INTS6: variants seen among roughly 807,000 people sequenced by gnomAD.
INTS6 encodes the protein integrator complex subunit 6, also known as DEAD box protein.
A neutral mutation model predicts 104.9 loss-of-function variants in INTS6; 16 were observed. The ratio of observed to expected loss-of-function variants is 0.15; its 90% confidence interval spans 0.10 to 0.23. The LOEUF (loss-of-function observed/expected upper bound fraction) is 0.23. INTS6 is among the 10% of genes least tolerant of loss of function. The pLI is 1.00. For synonymous variants in INTS6, 324 were observed against 358.7 expected, an observed-to-expected ratio of 0.90 and a Z score of 1.09; for missense variants, 584 against 1,062.8, an observed-to-expected ratio of 0.55 and a Z score of 6.26.
At position 51,428,739 on chromosome 13, in the gene INTS6, C is replaced by CA. The variant is rs566294447; in HGVS notation, c.429+1554dup. ...AATCTAACAAAGCCCAAAAGCCCAT[C>CA]AAGTTCAGCTACAGAGCATTCCAAG... is the stretch of plus-strand genomic sequence containing the variant. On this transcript the variant is annotated intron_variant, in intron 4 of 17. Transcript: ENST00000311234. Among the ~76,000 whole-genome samples the CA allele has an allele frequency of 2.4e-4, 37 of 152,274 alleles. No individual in the cohort carries two copies. In the South Asian group the frequency reaches 7.7e-3, roughly 32 times the overall value.
At chr13:51,341,372 C>T in the INTS6 span, 2 of 1,553,702 alleles carry the variant, frequency 1.3e-6, no homozygotes, top group South Asian at 1.2e-5. Context: ...CACGTGCACA[C>T]TCACTTACCC....
At chr13:51,345,592 C>CAAAAAAAA in the INTS6 span, among the ~76,000 whole-genome samples, 7 of 37,016 alleles carry the variant, frequency 1.9e-4, no homozygotes, top group East Asian at 8.4e-4. Context: ...GATTTCATCT[C>CAAAAAAAA]AAAAAAAAAA....
Position 51,365,372 on chromosome 13 carries a change from A to G in INTS6, c.*380T>C, listed in dbSNP as rs1207182770. 1 of 151,888 alleles carries G rather than the reference A, an allele frequency of 6.6e-6. No individual in the cohort carries two copies. The highest frequency in any genetic ancestry group is 2.4e-5 in the African/African-American group (1 of 41,082). 9.4% of individuals were successfully genotyped at this position (151,888 alleles called of 1,614,324 possible). A position where few individuals can be genotyped will look rare whatever the true frequency, so the allele number is the denominator to read the frequency against. The stretch of plus-strand genomic sequence containing the variant: ...TTTTAATGTATGTGCTTTTTTCCCC[A>G]AAAATTACAAAGTAACTTCTTTTTT... On this transcript the variant is annotated 3_prime_UTR_variant, in exon 18 of 18. Transcript: ENST00000311234.
chr13:51,370,606 G>T (rs982054994), intron 15 of INTS6, among the ~76,000 whole-genome samples: 6 of 152,196 alleles, frequency 3.9e-5, no homozygotes, highest in Non-Finnish European at 8.8e-5. Flanking sequence ...TGGCAAGCTA[G>T]GCAGGAGAAG....
At chr13:51,347,584 G>A in the INTS6 span, among the ~76,000 whole-genome samples, 1 of 152,164 alleles carries the variant, frequency 6.6e-6, no homozygotes, top group Non-Finnish European at 1.5e-5. Context: ...GGGTACAGTA[G>A]TACCCTGTAC....
At chr13:51,393,667 C>T (rs1483668233) in intron 5 of INTS6, among the ~76,000 whole-genome samples, 1 of 152,132 alleles carries the variant, frequency 6.6e-6, no homozygotes. Context: ...GGGAAGACTT[C>T]CTAATTTCTT....
intron 3 of INTS6, chr13:51,450,406 T>C (rs1953012862): frequency 4.1e-6 from 4 of 985,222 alleles, no homozygotes; most frequent in Non-Finnish European, 1.2e-6. Context: ...CTTTCATATT[T>C]TCCAGCAGTC....
At chr13:51,347,329 G>A in the INTS6 span, 1 of 1,087,754 alleles carries the variant, frequency 9.2e-7, no homozygotes, top group Admixed American at 2.0e-5. Flanking sequence ...TAAGGGATCG[G>A]GATGTGTTTC....
At chr13:51,373,956 T>C (rs1955864182) in intron 15 of INTS6, among the ~76,000 whole-genome samples, 1 of 152,218 alleles carries the variant, frequency 6.6e-6, no homozygotes, top group Non-Finnish European at 1.5e-5. Context: ...CTTTCGAAAG[T>C]ATTATTTTGA....
At chr13:51,361,478 G>C, downstream of INTS6, 1 of 718,684 alleles carries the variant, frequency 1.4e-6, no homozygotes, top group Non-Finnish European at 2.3e-6. Flanking sequence ...TTCAGGTGTG[G>C]TGTAGTATTT....
chr13:51,384,138 T>C (rs1254360309), intron 7 of INTS6: 1 of 159,260 alleles, frequency 6.3e-6, no homozygotes, highest in African/African-American at 2.4e-5. Context: ...GAACACACTA[T>C]ATATTTCTAA....
At chr13:51,366,471 G>T (rs1233239012) in intron 17 of INTS6, among the ~76,000 whole-genome samples, 1 of 152,028 alleles carries the variant, frequency 6.6e-6, no homozygotes, top group Non-Finnish European at 1.5e-5. Flanking sequence ...ATCTGTATAC[G>T]TAACTGCTGA....
chr13:51,362,058 T>TAAAAG lies in INTS6; in HGVS notation c.*3693_*3694insCTTTT, dbSNP rs1955589260. 6.3e-7 allele frequency: 1 copy of TAAAAG among 1,575,896 alleles called. No homozygotes were observed. On this transcript the variant is annotated 3_prime_UTR_variant, in exon 18 of 18. Coordinates refer to ENST00000311234, the MANE Select transcript of INTS6 (RefSeq NM_012141.3). The stretch of plus-strand genomic sequence containing the variant: ...TATCTTCTATCCTAAGAAAGGGGAC[T>TAAAAG]ATTTCGTAAGTACAAAGGAAACTTA...
chr13:51,354,573 T>G (rs756180712), intron 3 of INTS6, among the ~76,000 whole-genome samples: 19 of 147,406 alleles, frequency 1.3e-4, no homozygotes, highest in African/African-American at 4.5e-4. Context: ...CCGGGCAACA[T>G]AGGGAGACCC....
chr13:51,438,351 A>T (rs919551091), intron 3 of INTS6: 2 of 125,286 alleles, frequency 1.6e-5, no homozygotes, highest in Non-Finnish European at 3.4e-5. Flanking sequence ...GCCTATCATT[A>T]AAAAAAAAAA....
At chr13:51,393,183 T>C (rs971399897) in intron 5 of INTS6, among the ~76,000 whole-genome samples, 1 of 151,368 alleles carries the variant, frequency 6.6e-6, no homozygotes, top group African/African-American at 2.4e-5. Context: ...GCTCAAGCAA[T>C]TCTCCTGCCT....
chr13:51,352,174 G>A (rs571570854), downstream of INTS6, among the ~76,000 whole-genome samples: 1 of 152,168 alleles, frequency 6.6e-6, no homozygotes, highest in Non-Finnish European at 1.5e-5. Flanking sequence ...CAGGGATTGT[G>A]TTGAATCTGC....
chr13:51,339,073 T>C, the INTS6 span, among the ~76,000 whole-genome samples: 1 of 152,232 alleles, frequency 6.6e-6, no homozygotes, highest in Non-Finnish European at 1.5e-5. Flanking sequence ...ATGGTCTCTT[T>C]CTCAAATTAG....
At chr13:51,401,902 A>C (rs970358787) in intron 4 of INTS6, among the ~76,000 whole-genome samples, 6 of 152,296 alleles carry the variant, frequency 3.9e-5, no homozygotes, top group African/African-American at 1.4e-4. Context: ...TATTAAAAAA[A>C]CTAATTGTAT....
Sources: allele counts gnomAD v4.1 joint callset (sites outside exome capture counted in the v4.1 genomes callset), GRCh38; gene constraint gnomAD v4.1.1; transcripts MANE v1.5; gene names NCBI Gene and HGNC (gene_info 2026-07-23, HGNC 2026-07-21).